DNAJC15: variants seen among roughly 807,000 people sequenced by gnomAD.
The protein encoded by DNAJC15 is DnaJ heat shock protein family (Hsp40) member C15, also known as dnaJ homolog subfamily C member 15.
In DNAJC15, 27 loss-of-function variants were observed where a neutral mutation model predicts 22.4. The observed-to-expected ratio is 1.20, with a 90% CI of 0.89 to 1.66. The LOEUF (loss-of-function observed/expected upper bound fraction) is 1.66. Among genes scored for constraint, DNAJC15 ranks in the 40% most tolerant of loss-of-function variants. DNAJC15 has a pLI of 0.00. For synonymous variants in DNAJC15, 79 were observed against 63.2 expected (o/e 1.25, Z -1.19); for missense variants, 208 against 187.1 (o/e 1.11, Z -0.65).
chr13:43,107,263 A>G lies in DNAJC15; in HGVS notation c.*15A>G, dbSNP rs1172650361. The G allele has an allele frequency of 9.8e-6, 15 of 1,526,034 alleles. No homozygotes were observed. In the Admixed American group the frequency reaches 2.7e-4, roughly 28 times the overall value. 94.5% of individuals were successfully genotyped at this position (1,526,034 alleles called of 1,614,324 possible). A position where few individuals can be genotyped will look rare whatever the true frequency, so the allele number is the denominator to read the frequency against. Reference sequence around the variant, plus strand: ...CCAAACATTGATGCTTAAGGACCACACTGAAGGAAAAAAAAAGAGGGGACT... The same window carrying G: ...CCAAACATTGATGCTTAAGGACCACGCTGAAGGAAAAAAAAAGAGGGGACT... On this transcript the variant is annotated 3_prime_UTR_variant, in exon 6 of 6. Coordinates refer to ENST00000379221, the MANE Select transcript of DNAJC15 (RefSeq NM_013238.3).
chr13:43,024,893 T>TTAAAAAAAAAAAAAAAAA (rs2040372553), intron 1 of DNAJC15, among the ~76,000 whole-genome samples: 1 of 85,946 alleles, frequency 1.2e-5, no homozygotes, highest in Non-Finnish European at 2.3e-5. Context: ...CCATCTCTGC[T>TTAAAAAAAAAAAAAAAAA]AAAAAAAAAA....
chr13:43,091,851 T>C (rs951821764), intron 5 of DNAJC15, among the ~76,000 whole-genome samples: 1 of 152,170 alleles, frequency 6.6e-6, no homozygotes, highest in Admixed American at 6.5e-5. Context: ...TGTAGTTATC[T>C]CTATAGTATT....
At chr13:43,100,678 T>G (rs1442395632) in intron 5 of DNAJC15, among the ~76,000 whole-genome samples, 1 of 152,220 alleles carries the variant, frequency 6.6e-6, no homozygotes, top group Non-Finnish European at 1.5e-5. Flanking sequence ...GTTTGTTTTG[T>G]GGCCTATTAT....
chr13:43,037,930 T>A (rs1311539666), intron 1 of DNAJC15, among the ~76,000 whole-genome samples: 1 of 152,206 alleles, frequency 6.6e-6, no homozygotes, highest in Non-Finnish European at 1.5e-5. Context: ...GAAAATATTC[T>A]TTTTTATAGC....
intron 1 of DNAJC15, among the ~76,000 whole-genome samples, chr13:43,056,181 C>T (rs1341222528): frequency 1.4e-5 from 2 of 147,142 alleles, no homozygotes; most frequent in Non-Finnish European, 1.5e-5. Context: ...GAAGGAGTTT[C>T]GCTCTTGTTG....
chr13:43,065,547 T>C (rs2153440831), intron 1 of DNAJC15, 139 bp from the exon 2 acceptor site: 5 of 652,786 alleles, frequency 7.7e-6, no homozygotes, highest in Non-Finnish European at 1.3e-5. Context: ...ACACTGCATA[T>C]TTTTTTAAGT....
At chr13:43,105,098 G>A (rs1010849710) in intron 5 of DNAJC15, among the ~76,000 whole-genome samples, 3 of 151,472 alleles carry the variant, frequency 2.0e-5, no homozygotes, top group African/African-American at 4.9e-5. Flanking sequence ...TTTAGTACAG[G>A]TTACATATTG....
chr13:43,091,773 T>C (rs765853462), intron 5 of DNAJC15, among the ~76,000 whole-genome samples: 4 of 150,902 alleles, frequency 2.7e-5, no homozygotes, highest in African/African-American at 5.0e-5. Flanking sequence ...ATTTTCATTA[T>C]GATTTTTTTT....
rs921934101 is a variant in DNAJC15, at chr13:43,108,689, T to C, written c.*1441T>C. ...ATGATTAGCAATAATCCCTGACCTG[T>C]TATCTACTAAAGACTAGTCGTTTCT... On this transcript the variant is annotated 3_prime_UTR_variant, in exon 6 of 6. Coordinates refer to ENST00000379221, the MANE Select transcript of DNAJC15 (RefSeq NM_013238.3). 3 of 152,206 alleles carry C rather than the reference T, an allele frequency of 2.0e-5. No homozygotes were observed. Among genetic ancestry groups the C allele is most frequent in the Non-Finnish European group, 4.4e-5 (3 of 68,034 alleles). The allele number at this position is 152,206 out of a possible 1,614,324, so 9.4% of individuals were successfully genotyped here.
intron 5 of DNAJC15, among the ~76,000 whole-genome samples, chr13:43,088,835 C>T (rs1166536778): frequency 3.6e-5 from 3 of 83,322 alleles, no homozygotes; most frequent in Non-Finnish European, 4.3e-5. Context: ...GCCTAATTAA[C>T]TTGGTTTTTT....
At chr13:43,068,162 C>G (rs1156593945) in intron 2 of DNAJC15, among the ~76,000 whole-genome samples, 1 of 152,082 alleles carries the variant, frequency 6.6e-6, no homozygotes, top group Non-Finnish European at 1.5e-5. Context: ...TCTAGCAAGA[C>G]TCTTGGAGAA....
intron 5 of DNAJC15, among the ~76,000 whole-genome samples, chr13:43,096,426 T>C (rs1426163894): frequency 6.6e-6 from 1 of 152,252 alleles, no homozygotes; most frequent in Non-Finnish European, 1.5e-5. Flanking sequence ...TCTAGAATTT[T>C]GTGTCTGTTT....
chr13:43,061,702 G>C (rs2040559838), intron 1 of DNAJC15, among the ~76,000 whole-genome samples: 1 of 152,214 alleles, frequency 6.6e-6, no homozygotes, highest in Admixed American at 6.5e-5. Context: ...AATCTCATTT[G>C]TATTCAGAGC....
chr13:43,026,479 C>T (rs566985889), intron 1 of DNAJC15, among the ~76,000 whole-genome samples: 1 of 152,088 alleles, frequency 6.6e-6, no homozygotes, highest in Non-Finnish European at 1.5e-5. Flanking sequence ...AGGGGTTGTT[C>T]TGCTTCTTTT....
At chr13:43,028,059 T>C (rs2040388556) in intron 1 of DNAJC15, among the ~76,000 whole-genome samples, 1 of 152,228 alleles carries the variant, frequency 6.6e-6, no homozygotes, top group South Asian at 2.1e-4. Context: ...ATTTCTAGCA[T>C]TTATAATGGT....
intron 1 of DNAJC15, among the ~76,000 whole-genome samples, chr13:43,025,470 C>G (rs1481776466): frequency 1.3e-5 from 2 of 152,200 alleles, no homozygotes; most frequent in Non-Finnish European, 2.9e-5. Context: ...GCCAGTGATT[C>G]TCAAACTGTC....
At chr13:43,068,763 A>G (rs1464431642) in intron 2 of DNAJC15, among the ~76,000 whole-genome samples, 167 bp from the exon 3 acceptor site, 1 of 152,138 alleles carries the variant, frequency 6.6e-6, no homozygotes, top group Non-Finnish European at 1.5e-5. Context: ...TTTGCCCTCC[A>G]ATAAATTAAA....
intron 1 of DNAJC15, among the ~76,000 whole-genome samples, chr13:43,056,884 CTTA>C (rs1200473028): frequency 4.6e-5 from 7 of 152,150 alleles, no homozygotes; most frequent in African/African-American, 1.7e-4. Flanking sequence ...ACCCCTTTAT[CTTA>C]TTATGTGAAT....
chr13:43,076,002 CT>C (rs2040632393), intron 3 of DNAJC15, among the ~76,000 whole-genome samples: 1 of 152,146 alleles, frequency 6.6e-6, no homozygotes, highest in Admixed American at 6.6e-5. Flanking sequence ...GTATTTCTCT[CT>C]CTATCTCTCT....
Sources: gnomAD v4.1 joint callset for allele counts (sites outside exome capture counted in the v4.1 genomes callset) on GRCh38, gnomAD v4.1.1 for gene constraint, MANE v1.5 for transcripts, NCBI Gene and HGNC (gene_info 2026-07-23, HGNC 2026-07-21) for gene names.